The following FGF14 variants were observed in gnomAD, a reference collection of about 807,000 sequenced individuals.
FGF14 encodes fibroblast growth factor homologous factor 4.
A neutral mutation model predicts 25.5 loss-of-function variants in FGF14; 5 were observed. The observed-to-expected ratio is 0.20, with a 90% CI of 0.10 to 0.41. FGF14 has a LOEUF of 0.41. Among genes scored for constraint, FGF14 ranks in the 10% least tolerant of loss-of-function variants. The pLI is 1.00. For synonymous variants in FGF14, 138 were observed against 118.3 expected, an observed-to-expected ratio of 1.17 and a Z score of -1.08; for missense variants, 222 against 320.1, an observed-to-expected ratio of 0.69 and a Z score of 2.34.
chr13:102,098,706 G>C (rs183115066), intron 1 of FGF14, among the ~76,000 whole-genome samples: 6 of 152,268 alleles, frequency 3.9e-5, no homozygotes, highest in Admixed American at 3.9e-4. Flanking sequence ...TGTGTGCTTT[G>C]GGTGTGCCCC....
At chr13:102,369,855 T>C (rs1338436859) in intron 1 of FGF14, among the ~76,000 whole-genome samples, 1 of 152,254 alleles carries the variant, frequency 6.6e-6, no homozygotes, top group Non-Finnish European at 1.5e-5. Context: ...ATATAAAGCA[T>C]TACTGCTTGT....
chr13:102,303,350 A>C (rs1259037079), intron 1 of FGF14, among the ~76,000 whole-genome samples: 1 of 152,182 alleles, frequency 6.6e-6, no homozygotes, highest in Non-Finnish European at 1.5e-5. Context: ...ACCATCTTAA[A>C]CACTTTGTAT....
At chr13:102,386,010 TG>T (rs2058293397) in intron 1 of FGF14, among the ~76,000 whole-genome samples, 2 of 152,210 alleles carry the variant, frequency 1.3e-5, no homozygotes, top group African/African-American at 4.8e-5. Flanking sequence ...ACACAATTTT[TG>T]AAGTTCCTTG....
chr13:102,331,695 T>C (rs537284738), intron 1 of FGF14, among the ~76,000 whole-genome samples: 1 of 152,294 alleles, frequency 6.6e-6, no homozygotes, highest in South Asian at 2.1e-4. Flanking sequence ...ACAAGCTACA[T>C]GAAACGCACA....
intron 3 of FGF14, among the ~76,000 whole-genome samples, chr13:101,781,109 T>C (rs2039463003): frequency 6.8e-6 from 1 of 146,242 alleles, no homozygotes; most frequent in Admixed American, 6.9e-5. Context: ...TGCCATAGCA[T>C]GCTCCCCCTG....
chr13:102,105,841 T>C (rs1035918830), intron 1 of FGF14, among the ~76,000 whole-genome samples: 4 of 152,244 alleles, frequency 2.6e-5, no homozygotes, highest in African/African-American at 9.6e-5. Flanking sequence ...CAGGAGATAT[T>C]GGATTCAATG....
At chr13:102,005,231 T>G (rs1006970081) in intron 1 of FGF14, among the ~76,000 whole-genome samples, 1 of 152,212 alleles carries the variant, frequency 6.6e-6, no homozygotes, top group Non-Finnish European at 1.5e-5. Context: ...AGTTATCATA[T>G]CCATTCAGTG....
chr13:101,828,786 G>A (rs2042530789), intron 3 of FGF14, among the ~76,000 whole-genome samples: 1 of 151,928 alleles, frequency 6.6e-6, no homozygotes, highest in Non-Finnish European at 1.5e-5. Context: ...AAAAAAGAAG[G>A]GACATGTATT....
At chr13:102,276,714 G>A (rs2053569556) in intron 1 of FGF14, among the ~76,000 whole-genome samples, 1 of 152,112 alleles carries the variant, frequency 6.6e-6, no homozygotes, top group Non-Finnish European at 1.5e-5. Flanking sequence ...TGTTTTCAGA[G>A]AATTTTTTAT....
intron 1 of FGF14, among the ~76,000 whole-genome samples, chr13:102,048,298 G>C (rs2042078973): frequency 6.6e-6 from 1 of 152,118 alleles, no homozygotes; most frequent in South Asian, 2.1e-4. Flanking sequence ...GGGGGTGTGA[G>C]GGAATAATAA....
At chr13:101,968,165 T>C (rs998904423) in intron 1 of FGF14, among the ~76,000 whole-genome samples, 9 of 152,190 alleles carry the variant, frequency 5.9e-5, no homozygotes, top group African/African-American at 2.2e-4. Flanking sequence ...CAGTTATAAG[T>C]AGATAAATCT....
At chr13:102,375,928 T>C (rs2058030315) in intron 1 of FGF14, among the ~76,000 whole-genome samples, 1 of 152,064 alleles carries the variant, frequency 6.6e-6, no homozygotes, top group South Asian at 2.1e-4. Flanking sequence ...CTAATTGAAA[T>C]GAAAAAACTG....
intron 3 of FGF14, among the ~76,000 whole-genome samples, chr13:101,859,397 G>GT (rs1296903579): frequency 6.6e-6 from 1 of 151,884 alleles, no homozygotes; most frequent in African/African-American, 2.4e-5. Flanking sequence ...GGACTTTCAG[G>GT]TTTTTGTTAT....
chr13:101,885,589 T>G lies in FGF14; in HGVS notation c.194-10293A>C, dbSNP rs541853269. Among the ~76,000 whole-genome samples the G allele has an allele frequency of 4.6e-5, 7 of 152,284 alleles. No individual in the cohort carries two copies. The South Asian group carries it at 1.4e-3, about 32-fold the overall frequency. ...ATGGCATAGGTAGCCACTGAATTCCTTATCCCTAGGGGTTCTATATTTTTA... is the reference window on the plus strand; with the variant it reads ...ATGGCATAGGTAGCCACTGAATTCCGTATCCCTAGGGGTTCTATATTTTTA... On this transcript the variant is annotated intron_variant, in intron 1 of 4. Coordinates refer to ENST00000376143, the MANE Select transcript of FGF14 (RefSeq NM_004115.4).
intron 1 of FGF14, among the ~76,000 whole-genome samples, chr13:102,378,977 G>A (rs939111611): frequency 5.3e-5 from 8 of 152,084 alleles, no homozygotes; most frequent in Admixed American, 2.0e-4. Flanking sequence ...AAGAAGGTAC[G>A]ATCATCTGTC....
chr13:101,832,074 G>A (rs531129340), intron 3 of FGF14, among the ~76,000 whole-genome samples: 1 of 152,130 alleles, frequency 6.6e-6, no homozygotes, highest in East Asian at 1.9e-4. Flanking sequence ...TTTATCATCT[G>A]GGTAAAGATT....
At chr13:102,069,325 A>G (rs577331365) in intron 1 of FGF14, among the ~76,000 whole-genome samples, 1 of 152,262 alleles carries the variant, frequency 6.6e-6, no homozygotes, top group Non-Finnish European at 1.5e-5. Flanking sequence ...CGCACCAATC[A>G]GCGCCCTGTC....
chr13:101,926,714 G>T (rs150897136), intron 1 of FGF14, among the ~76,000 whole-genome samples: 1 of 152,312 alleles, frequency 6.6e-6, no homozygotes, highest in East Asian at 1.9e-4. Flanking sequence ...GAGATTTGGG[G>T]CCTAAGGCTA....
Position 101,974,734 on chromosome 13 carries a change from G to A in FGF14, c.209-99438C>T, listed in dbSNP as rs535659700. On this transcript the variant is annotated intron_variant, in intron 1 of 4. Transcript: ENST00000376131. ...GTTAAAAAACAATCTCACGGACAGT[G>A]GAAAAAAAACTAGTGAACCACAGGT... Among the ~76,000 whole-genome samples, 9 of 151,768 alleles carry A rather than the reference G, an allele frequency of 5.9e-5. No individual in the cohort carries two copies. The South Asian group carries it at 1.9e-3, about 32-fold the overall frequency.
Sources: gnomAD v4.1 joint callset for allele counts (sites outside exome capture counted in the v4.1 genomes callset) on GRCh38, gnomAD v4.1.1 for gene constraint, MANE v1.5 for transcripts, NCBI Gene and HGNC (gene_info 2026-07-23, HGNC 2026-07-21) for gene names.